Variants in UBE3D observed in about 807,000 individuals in gnomAD.
UBE3D encodes the protein ubiquitin protein ligase E3D.
In UBE3D, 48 loss-of-function variants were observed where a neutral mutation model predicts 49.6. That is an observed-to-expected ratio of 0.97 (90% CI 0.77 to 1.23). The LOEUF is 1.23. Among genes scored for constraint, UBE3D ranks in the 50% most tolerant of loss-of-function variants. The probability of loss-of-function intolerance (pLI) is 0.00; values close to 1 mark genes in which losing one functional copy is unlikely to be tolerated. For missense variants in UBE3D, 452 were observed against 468.4 expected (o/e 0.96, Z 0.32); for synonymous variants, 189 against 174.2 (o/e 1.08, Z -0.67).
At chr6:83,022,802 CA>C (rs1781198863) in intron 6 of UBE3D, among the ~76,000 whole-genome samples, 1 of 152,138 alleles carries the variant, frequency 6.6e-6, no homozygotes, top group African/African-American at 2.4e-5. Context: ...CTTTCCACAC[CA>C]AACCTAACTA....
intron 4 of UBE3D, among the ~76,000 whole-genome samples, chr6:83,040,397 C>A (rs1309330989): frequency 6.6e-5 from 6 of 90,450 alleles, no homozygotes; most frequent in African/African-American, 1.8e-4. Context: ...CTCTCTCTCT[C>A]TCTCTCTATA....
intron 5 of UBE3D, among the ~76,000 whole-genome samples, chr6:83,028,554 T>G (rs1582683515): frequency 6.6e-6 from 1 of 152,174 alleles, no homozygotes; most frequent in Non-Finnish European, 1.5e-5. Flanking sequence ...GAGGTTCTCC[T>G]CTTGAGTAGT....
At chr6:82,910,188 T>C (rs896251347) in intron 9 of UBE3D, among the ~76,000 whole-genome samples, 2 of 152,132 alleles carry the variant, frequency 1.3e-5, no homozygotes, top group Non-Finnish European at 2.9e-5. Flanking sequence ...CTTTGTGCTT[T>C]AGATTTCCCA....
chr6:82,967,007 T>A (rs1351811629), intron 8 of UBE3D, among the ~76,000 whole-genome samples: 3 of 152,214 alleles, frequency 2.0e-5, no homozygotes, highest in Non-Finnish European at 4.4e-5. Flanking sequence ...TTTTTTTCAT[T>A]TTTTTCATTT....
intron 7 of UBE3D, among the ~76,000 whole-genome samples, chr6:83,020,698 T>C (rs1422875126): frequency 1.3e-5 from 2 of 152,236 alleles, no homozygotes; most frequent in Non-Finnish European, 2.9e-5. Context: ...GAAAATATTT[T>C]AGGTTTTCAT....
downstream of UBE3D, among the ~76,000 whole-genome samples, chr6:82,887,640 T>G (rs1383481257): frequency 6.7e-6 from 1 of 150,370 alleles, no homozygotes; most frequent in Non-Finnish European, 1.5e-5. Flanking sequence ...ACCCAGGAGA[T>G]GGAGGTTGCG....
At chr6:82,965,365 C>T (rs962424172) in intron 8 of UBE3D, among the ~76,000 whole-genome samples, 1 of 152,068 alleles carries the variant, frequency 6.6e-6, no homozygotes, top group African/African-American at 2.4e-5. Context: ...CAGTGGATCA[C>T]CTGAGGTCGG....
chr6:83,042,346 A>G (rs973244319), intron 4 of UBE3D, among the ~76,000 whole-genome samples: 13 of 152,356 alleles, frequency 8.5e-5, no homozygotes, highest in Admixed American at 5.9e-4. Flanking sequence ...AGCCTCCAAT[A>G]AAGTATTATA....
chr6:83,035,196 A>T (rs959535559), intron 5 of UBE3D, among the ~76,000 whole-genome samples: 1 of 149,996 alleles, frequency 6.7e-6, no homozygotes, highest in Non-Finnish European at 1.5e-5. Context: ...AAAAAAAAAA[A>T]ATCTTTATTG....
At chr6:82,889,547 G>A (rs1393238581), downstream of UBE3D, among the ~76,000 whole-genome samples, 2 of 152,154 alleles carry the variant, frequency 1.3e-5, no homozygotes, top group Admixed American at 1.3e-4. Context: ...TGCAGCTCTT[G>A]ATGGAATTGA....
At chr6:83,040,999 C>G (rs1314997065) in intron 4 of UBE3D, among the ~76,000 whole-genome samples, 1 of 152,164 alleles carries the variant, frequency 6.6e-6, no homozygotes, top group Non-Finnish European at 1.5e-5. Flanking sequence ...TGCTTTCTTA[C>G]AGTAAAACAT....
chr6:82,932,187 T>C (rs1189290840), intron 9 of UBE3D, among the ~76,000 whole-genome samples: 1 of 152,096 alleles, frequency 6.6e-6, no homozygotes, highest in Non-Finnish European at 1.5e-5. Context: ...AATTACCTAC[T>C]CTCAGGTATG....
At chr6:83,018,831 T>A (rs1267054795) in intron 8 of UBE3D, 142 bp downstream of exon 8, 6 of 857,524 alleles carry the variant, frequency 7.0e-6, no homozygotes, top group Non-Finnish European at 8.9e-6. Flanking sequence ...ATTTTAAACA[T>A]ATAATATTTA....
chr6:82,909,393 CACTT>C (rs1772336433), intron 9 of UBE3D, among the ~76,000 whole-genome samples: 1 of 152,190 alleles, frequency 6.6e-6, no homozygotes, highest in Admixed American at 6.5e-5. Context: ...CCTTCCCTAA[CACTT>C]ACAATGGTAC....
intron 7 of UBE3D, among the ~76,000 whole-genome samples, chr6:83,020,166 G>C (rs1398511351): frequency 6.6e-6 from 1 of 152,114 alleles, no homozygotes; most frequent in East Asian, 1.9e-4. Flanking sequence ...CATTTCTAAA[G>C]AAGTACTAAA....
chr6:83,047,603 TGCTGGCAA>T (rs958622274), intron 3 of UBE3D, among the ~76,000 whole-genome samples: 82 of 152,326 alleles, frequency 5.4e-4, no homozygotes, highest in African/African-American at 1.9e-3. Flanking sequence ...GATGCTGCCC[TGCTGGCAA>T]GCTGGCAAGG....
downstream of UBE3D, among the ~76,000 whole-genome samples, chr6:82,890,068 T>C (rs1260588054): frequency 6.6e-6 from 1 of 152,098 alleles, no homozygotes; most frequent in African/African-American, 2.4e-5. Flanking sequence ...CTAAGAATAC[T>C]ACTGAATAGA....
intron 9 of UBE3D, among the ~76,000 whole-genome samples, chr6:82,900,470 TTC>T (rs1184105133): frequency 1.3e-5 from 2 of 152,176 alleles, no homozygotes; most frequent in Non-Finnish European, 1.5e-5. Flanking sequence ...GATGAATGGG[TTC>T]TGTCATTTAA....
intron 1 of UBE3D, among the ~76,000 whole-genome samples, chr6:83,064,969 G>A (rs1212408180): frequency 6.6e-6 from 1 of 152,096 alleles, no homozygotes; most frequent in African/African-American, 2.4e-5. Context: ...ATAGACAAGG[G>A]GACCACAAAT....
Sources: allele counts gnomAD v4.1 joint callset (sites outside exome capture counted in the v4.1 genomes callset), GRCh38; gene constraint gnomAD v4.1.1; transcripts MANE v1.5; gene names NCBI Gene and HGNC (gene_info 2026-07-23, HGNC 2026-07-21).